PITPNC1: variants seen among roughly 807,000 people sequenced by gnomAD.
PITPNC1 encodes the protein phosphatidylinositol transfer protein cytoplasmic 1, also known as cytoplasmic phosphatidylinositol transfer protein 1.
Under a neutral mutation model 44.7 loss-of-function variants are expected in PITPNC1, and 18 were observed. The observed-to-expected ratio is 0.40, with a 90% confidence interval of 0.28 to 0.60. The LOEUF (loss-of-function observed/expected upper bound fraction) is 0.60. Among genes scored for constraint, PITPNC1 ranks in the 20% least tolerant of loss-of-function variants. The probability of loss-of-function intolerance (pLI) is 0.39; values close to 1 mark genes in which losing one functional copy is unlikely to be tolerated. For synonymous variants in PITPNC1, 141 were observed against 149.6 expected, an observed-to-expected ratio of 0.94 and a Z score of 0.42; for missense variants, 290 against 418.4, an observed-to-expected ratio of 0.69 and a Z score of 2.68.
intron 1 of PITPNC1, among the ~76,000 whole-genome samples, chr17:67,497,889 C>T (rs1477552146): frequency 1.4e-5 from 2 of 144,894 alleles, no homozygotes; most frequent in Non-Finnish European, 3.0e-5. Flanking sequence ...AAGATGGAGT[C>T]TCACTCTGTT....
chr17:67,541,044 C>T (rs2040599054), intron 2 of PITPNC1, among the ~76,000 whole-genome samples: 1 of 151,990 alleles, frequency 6.6e-6, no homozygotes, highest in South Asian at 2.1e-4. Flanking sequence ...TGGTGAAACC[C>T]TGCCTGCTAA....
chr17:67,425,448 TCTCA>T (rs1381223251), intron 1 of PITPNC1, among the ~76,000 whole-genome samples: 6 of 151,512 alleles, frequency 4.0e-5, no homozygotes, highest in Non-Finnish European at 7.4e-5. Context: ...TCTCTCTTTC[TCTCA>T]CTCTTTCTCT....
intron 1 of PITPNC1, among the ~76,000 whole-genome samples, chr17:67,511,327 G>C (rs1176226130): frequency 6.6e-6 from 1 of 152,112 alleles, no homozygotes; most frequent in African/African-American, 2.4e-5. Flanking sequence ...ATAAATCTTT[G>C]CACAATTGCA....
chr17:67,398,728 T>C (rs1166228828), intron 1 of PITPNC1, among the ~76,000 whole-genome samples: 1 of 152,110 alleles, frequency 6.6e-6, no homozygotes, highest in African/African-American at 2.4e-5. Context: ...CTTTGGATTT[T>C]CTTCTCAATC....
At chr17:67,689,419 G>A (rs138067571) in intron 8 of PITPNC1, among the ~76,000 whole-genome samples, 41 of 152,164 alleles carry the variant, frequency 2.7e-4, no homozygotes, top group African/African-American at 8.9e-4. Flanking sequence ...GAATGCTTAT[G>A]ACATTTCCAT....
At chr17:67,571,570 GT>G (rs1480144290) in intron 4 of PITPNC1, among the ~76,000 whole-genome samples, 1 of 152,216 alleles carries the variant, frequency 6.6e-6, no homozygotes, top group African/African-American at 2.4e-5. Flanking sequence ...ATCAACCAAG[GT>G]TCTAGTTTCA....
At chr17:67,583,018 T>G (rs183854595) in intron 5 of PITPNC1, among the ~76,000 whole-genome samples, 18 of 152,318 alleles carry the variant, frequency 1.2e-4, no homozygotes, top group Admixed American at 1.2e-3. Flanking sequence ...TGGCTGCACA[T>G]TGGATTCACC....
intron 6 of PITPNC1, among the ~76,000 whole-genome samples, chr17:67,646,288 C>T (rs946653422): frequency 3.9e-5 from 6 of 152,160 alleles, no homozygotes; most frequent in Non-Finnish European, 8.8e-5. Flanking sequence ...CCTGACAGAG[C>T]GATTGTCTGC....
At chr17:67,484,242 C>T (rs1230043993) in intron 1 of PITPNC1, among the ~76,000 whole-genome samples, 1 of 152,078 alleles carries the variant, frequency 6.6e-6, no homozygotes, top group African/African-American at 2.4e-5. Flanking sequence ...TTCTTCATTC[C>T]ATTTTCTTGC....
At chr17:67,413,276 G>A (rs900266158) in intron 1 of PITPNC1, among the ~76,000 whole-genome samples, 4 of 152,048 alleles carry the variant, frequency 2.6e-5, no homozygotes, top group African/African-American at 9.7e-5. Context: ...GTATTATATG[G>A]GAATTAAACT....
At chr17:67,623,240 T>A (rs2041856321) in intron 5 of PITPNC1, among the ~76,000 whole-genome samples, 1 of 151,712 alleles carries the variant, frequency 6.6e-6, no homozygotes, top group Non-Finnish European at 1.5e-5. Flanking sequence ...TCCCTCCTAA[T>A]CAGCCACCTC....
intron 5 of PITPNC1, among the ~76,000 whole-genome samples, chr17:67,615,198 TGC>T (rs2144301190): frequency 6.6e-6 from 1 of 152,352 alleles, no homozygotes; most frequent in East Asian, 1.9e-4. Flanking sequence ...TCCACATAGA[TGC>T]GAAAACCAAA....
intron 1 of PITPNC1, among the ~76,000 whole-genome samples, chr17:67,515,129 C>G (rs2040241936): frequency 6.6e-6 from 1 of 152,324 alleles, no homozygotes; most frequent in East Asian, 1.9e-4. Flanking sequence ...GGCTGACCTT[C>G]ATTCCGCTGT....
At chr17:67,478,468 C>G (rs1042655503) in intron 1 of PITPNC1, among the ~76,000 whole-genome samples, 23 of 152,200 alleles carry the variant, frequency 1.5e-4, no homozygotes, top group African/African-American at 5.5e-4. Context: ...CATCCCTTCT[C>G]TGCCGTTTTC....
intron 5 of PITPNC1, among the ~76,000 whole-genome samples, chr17:67,629,917 C>A (rs2041944839): frequency 6.6e-6 from 1 of 152,192 alleles, no homozygotes; most frequent in Non-Finnish European, 1.5e-5. Flanking sequence ...GGGAGTTAAT[C>A]TCCTTGGACA....
At chr17:67,436,367 G>T (rs536666255) in intron 1 of PITPNC1, among the ~76,000 whole-genome samples, 2 of 152,222 alleles carry the variant, frequency 1.3e-5, no homozygotes, top group South Asian at 2.1e-4. Flanking sequence ...TTGAACAATG[G>T]TCTTATCTAA....
At chr17:67,674,888 T>G (rs1035078799) in intron 7 of PITPNC1, among the ~76,000 whole-genome samples, 1 of 152,012 alleles carries the variant, frequency 6.6e-6, no homozygotes, top group Non-Finnish European at 1.5e-5. Context: ...GGCCCACGCC[T>G]GTAGTCCCAG....
chr17:67,412,596 C>G (rs962025609), intron 1 of PITPNC1, among the ~76,000 whole-genome samples: 1 of 152,040 alleles, frequency 6.6e-6, no homozygotes, highest in Non-Finnish European at 1.5e-5. Context: ...GACGGAGTTT[C>G]GCTCTTGTTG....
At chr17:67,441,112 A>C (rs78103746) in intron 1 of PITPNC1, among the ~76,000 whole-genome samples, 1,540 of 152,218 alleles carry the variant, frequency 0.01, 20 homozygotes, top group African/African-American at 0.035. Context: ...TTGAACACTC[A>C]AACATCCGCT....
Sources: allele counts gnomAD v4.1 joint callset (sites outside exome capture counted in the v4.1 genomes callset), GRCh38; gene constraint gnomAD v4.1.1; transcripts MANE v1.5; gene names NCBI Gene and HGNC (gene_info 2026-07-23, HGNC 2026-07-21).